Variants in ALMS1 observed in about 807,000 individuals in gnomAD.
ALMS1 encodes centrosome-associated protein ALMS1.
In ALMS1, 271 loss-of-function variants were observed where a neutral mutation model predicts 352.2. The ratio of observed to expected loss-of-function variants is 0.77; its 90% CI spans 0.70 to 0.85. ALMS1 has a LOEUF of 0.85. Among genes scored for constraint, ALMS1 ranks in the 40% least tolerant of loss-of-function variants. The pLI, the probability that ALMS1 is intolerant of heterozygous loss-of-function variation, is 0.00. For synonymous variants in ALMS1, 1,865 were observed against 1,761.2 expected, an observed-to-expected ratio of 1.06 and a Z score of -1.48; for missense variants, 5,445 against 4,870.7, an observed-to-expected ratio of 1.12 and a Z score of -3.51.
At chr2:73,502,402 T>C (rs529239338) in intron 10 of ALMS1, among the ~76,000 whole-genome samples, 1 of 152,264 alleles carries the variant, frequency 6.6e-6, no homozygotes, top group South Asian at 2.1e-4. Context: ...GCCTTTTATT[T>C]CTTTTTCTTG....
chr2:73,400,577 C>G (rs1670854024), intron 1 of ALMS1, among the ~76,000 whole-genome samples: 1 of 152,102 alleles, frequency 6.6e-6, no homozygotes, highest in South Asian at 2.1e-4. Context: ...CTGGTGCTTT[C>G]TGTTTTAGAA....
intron 10 of ALMS1, among the ~76,000 whole-genome samples, chr2:73,502,437 A>T (rs1673236875): frequency 6.6e-6 from 1 of 152,100 alleles, no homozygotes; most frequent in Non-Finnish European, 1.5e-5. Flanking sequence ...TAGAACATTG[A>T]ATATGATACC....
At chr2:73,551,053 C>T (rs191323791) in intron 13 of ALMS1, among the ~76,000 whole-genome samples, 16 of 152,104 alleles carry the variant, frequency 1.1e-4, no homozygotes, top group African/African-American at 3.9e-4. Flanking sequence ...TGATGGGGGT[C>T]TCGCTATGTT....
intron 1 of ALMS1, among the ~76,000 whole-genome samples, 161 bp from the exon 2 acceptor site, chr2:73,408,461 C>T (rs1671013797): frequency 6.6e-6 from 1 of 152,100 alleles, no homozygotes; most frequent in African/African-American, 2.4e-5. Context: ...AACTGAGTAA[C>T]CTTAAGGATA....
intron 1 of ALMS1, among the ~76,000 whole-genome samples, chr2:73,401,180 C>T (rs553584851): frequency 6.6e-6 from 1 of 151,938 alleles, no homozygotes; most frequent in East Asian, 1.9e-4. Context: ...AAAGAACCAG[C>T]ATTTAAGCTT....
chr2:73,424,441 A>T lies in ALMS1; in HGVS notation c.776A>T (p.Asp259Val), dbSNP rs369122370. Residue 259 changes from aspartate to valine, a missense_variant, in exon 5 of 23, where the codon GAT becomes GTT. Asp to Val is a radical substitution (Grantham distance 152, BLOSUM62 -3). Coordinates refer to ENST00000613296, the MANE Select transcript of ALMS1 (RefSeq NM_001378454.1). Reference protein sequence around the residue: ...LSFAPLRGIPDKSEDTEWSSR... With the variant: ...LSFAPLRGIPVKSEDTEWSSR... ...CTATATATTTTCAGGGGAATTCCTG[A>T]TAAGTCTGAAGATACTGAATGGTCT... 1.9e-6 allele frequency: 3 copies of T among 1,558,706 alleles called. No homozygotes were observed. Among genetic ancestry groups the T allele is most frequent in the Non-Finnish European group, 2.6e-6 (3 of 1,155,708 alleles).
At chr2:73,508,309 T>G (rs998245707) in intron 10 of ALMS1, among the ~76,000 whole-genome samples, 4 of 151,392 alleles carry the variant, frequency 2.6e-5, no homozygotes, top group Admixed American at 1.3e-4. Context: ...TTCACGCCAT[T>G]CTCCTGCCTC....
chr2:73,459,349 T>C (rs931489548), intron 9 of ALMS1: 1 of 152,240 alleles, frequency 6.6e-6, no homozygotes, highest in Admixed American at 6.5e-5. Flanking sequence ...GTGTTTTACA[T>C]ATTAATTAAT....
In ALMS1 at chr2:73,515,488, G is replaced by A. The variant is rs1417994083; in HGVS notation, c.9540-4287G>A. Among the ~76,000 whole-genome samples the A allele has an allele frequency of 3.9e-5, 6 of 151,904 alleles. No individual in the cohort carries two copies. The East Asian group carries it at 1.2e-3, about 29-fold the overall frequency. On this transcript the variant is annotated intron_variant, in intron 10 of 22. Transcript: ENST00000613296. The stretch of plus-strand genomic sequence containing the variant: ...GTGTGTTGGATATTGTAAATAAGAG[G>A]ATAATAGAGATTGAGGGTATTTGCA...
intron 6 of ALMS1, among the ~76,000 whole-genome samples, chr2:73,431,060 T>A (rs567674703): frequency 6.6e-6 from 1 of 152,232 alleles, no homozygotes; most frequent in Non-Finnish European, 1.5e-5. Flanking sequence ...TAATTCTTTG[T>A]TATGGTGGGA....
intron 21 of ALMS1, among the ~76,000 whole-genome samples, chr2:73,606,785 A>C (rs1042146155): frequency 6.6e-6 from 1 of 152,138 alleles, no homozygotes; most frequent in Admixed American, 6.5e-5. Context: ...TTGGCCTTCA[A>C]TTGTGTCCTA....
intron 11 of ALMS1, among the ~76,000 whole-genome samples, chr2:73,530,282 G>A (rs1036963330): frequency 6.6e-6 from 1 of 152,200 alleles, no homozygotes; most frequent in Admixed American, 6.5e-5. Context: ...TACAGGCATT[G>A]GATAAATGTT....
At chr2:73,394,883 A>T (rs916641395) in intron 1 of ALMS1, among the ~76,000 whole-genome samples, 7 of 151,792 alleles carry the variant, frequency 4.6e-5, no homozygotes, top group Admixed American at 4.6e-4. Context: ...TGAATACTGT[A>T]GGCAGTTGTA....
chr2:73,511,018 A>G (rs1299270929), intron 10 of ALMS1, among the ~76,000 whole-genome samples: 2 of 152,180 alleles, frequency 1.3e-5, no homozygotes, highest in Admixed American at 6.5e-5. Context: ...AGCCTCAGTA[A>G]TGGTGGATGC....
chr2:73,520,080 T>C (rs1461970790), intron 11 of ALMS1, 64 bp downstream of exon 11: 1 of 1,605,396 alleles, frequency 6.2e-7, no homozygotes, highest in Non-Finnish European at 8.5e-7. Flanking sequence ...ATCTTAGAAA[T>C]TTGTGGTTGT....
intron 13 of ALMS1, among the ~76,000 whole-genome samples, chr2:73,555,542 A>G (rs1276145860): frequency 6.6e-6 from 1 of 152,224 alleles, no homozygotes; most frequent in East Asian, 1.9e-4. Context: ...ACCATGTGAT[A>G]ATAAAAGATT....
chr2:73,599,579 G>T (rs745665601), intron 17 of ALMS1, 58 bp downstream of exon 17: 1 of 1,550,588 alleles, frequency 6.4e-7, no homozygotes, highest in African/African-American at 1.4e-5. Context: ...TCTTAAACAT[G>T]TAAGATACTC....
intron 9 of ALMS1, among the ~76,000 whole-genome samples, chr2:73,461,833 T>A (rs1672210227): frequency 6.6e-6 from 1 of 152,100 alleles, no homozygotes; most frequent in Non-Finnish European, 1.5e-5. Flanking sequence ...GCTGATGCGA[T>A]CAACTGGAAG....
chr2:73,471,548 G>A (rs1672468716), intron 9 of ALMS1, among the ~76,000 whole-genome samples: 1 of 147,094 alleles, frequency 6.8e-6, no homozygotes, highest in Non-Finnish European at 1.5e-5. Context: ...GTTAAAACAT[G>A]GGTAAAGGAC....
Sources: allele counts gnomAD v4.1 joint callset (sites outside exome capture counted in the v4.1 genomes callset), GRCh38; gene constraint gnomAD v4.1.1; transcripts MANE v1.5; gene names NCBI Gene and HGNC (gene_info 2026-07-23, HGNC 2026-07-21).